The following MACROD2 variants were observed in gnomAD, a reference collection of about 807,000 sequenced individuals.
MACROD2 encodes the protein ADP-ribose glycohydrolase MACROD2.
Under a neutral mutation model 70.4 loss-of-function variants are expected in MACROD2, and 36 were observed. The ratio of observed to expected loss-of-function variants is 0.51; its 90% CI spans 0.39 to 0.68. The LOEUF (loss-of-function observed/expected upper bound fraction) is 0.68, where lower values mean the gene tolerates loss of function less well. Ranked by LOEUF, MACROD2 falls within the 30% of genes least tolerant of loss-of-function variation. MACROD2 has a pLI of 0.00. For missense variants in MACROD2, 496 were observed against 538.4 expected (o/e 0.92, Z 0.78); for synonymous variants, 172 against 178.8 (o/e 0.96, Z 0.30).
intron 4 of MACROD2, among the ~76,000 whole-genome samples, chr20:14,626,672 G>A (rs1019961475): frequency 6.6e-5 from 10 of 152,102 alleles, no homozygotes; most frequent in Non-Finnish European, 5.9e-5. Flanking sequence ...AGACCAGCAG[G>A]CAAGGAAAAC....
At chr20:15,995,199 A>G (rs900658338) in intron 15 of MACROD2, among the ~76,000 whole-genome samples, 16 of 152,146 alleles carry the variant, frequency 1.1e-4, no homozygotes, top group Non-Finnish European at 4.4e-5. Context: ...CATACATTCC[A>G]CAAATGCTTT....
At chr20:14,844,193 A>G (rs2073115446) in intron 5 of MACROD2, among the ~76,000 whole-genome samples, 1 of 151,704 alleles carries the variant, frequency 6.6e-6, no homozygotes, top group African/African-American at 2.4e-5. Flanking sequence ...TCATAGTAAG[A>G]TAATTTTTTT....
At chr20:15,158,711 C>A (rs1260967179) in intron 5 of MACROD2, among the ~76,000 whole-genome samples, 1 of 152,080 alleles carries the variant, frequency 6.6e-6, no homozygotes, top group Non-Finnish European at 1.5e-5. Context: ...CAATATTAGT[C>A]ATTTTCTTGA....
chr20:15,768,340 G>C (rs11699274), intron 8 of MACROD2, among the ~76,000 whole-genome samples: 21,102 of 152,124 alleles, frequency 0.14, 1,669 homozygotes, highest in Middle Eastern at 0.28. Context: ...ACATGTTACT[G>C]TACTGAATAC....
chr20:14,300,108 G>A (rs1745175066), intron 3 of MACROD2, among the ~76,000 whole-genome samples: 1 of 152,166 alleles, frequency 6.6e-6, no homozygotes, highest in African/African-American at 2.4e-5. Context: ...CTGATAGTTT[G>A]AGTGAGGCTT....
chr20:15,392,638 C>A (rs1050034494), intron 6 of MACROD2, among the ~76,000 whole-genome samples: 24 of 152,048 alleles, frequency 1.6e-4, no homozygotes, highest in African/African-American at 5.8e-4. Flanking sequence ...AAGTTCCTAA[C>A]TTCTGTTTTG....
intron 3 of MACROD2, among the ~76,000 whole-genome samples, chr20:14,099,692 A>G (rs117113106): frequency 0.012 from 1,897 of 152,256 alleles, 23 homozygotes; most frequent in Middle Eastern, 0.048. Context: ...TTTGTGTTGG[A>G]TCTATATCTG....
chr20:14,901,567 T>C (rs948952578), intron 5 of MACROD2, among the ~76,000 whole-genome samples: 2 of 152,188 alleles, frequency 1.3e-5, no homozygotes, highest in African/African-American at 4.8e-5. Context: ...TGAATTTTTT[T>C]CCAAGTATTG....
intron 8 of MACROD2, among the ~76,000 whole-genome samples, chr20:15,836,426 T>C (rs1366325149): frequency 6.6e-5 from 10 of 152,162 alleles, no homozygotes; most frequent in Admixed American, 6.5e-4. Flanking sequence ...AGAGTCATTA[T>C]CTATGGGATG....
chr20:15,760,425 C>T (rs1028473477), intron 8 of MACROD2, among the ~76,000 whole-genome samples: 5 of 152,194 alleles, frequency 3.3e-5, no homozygotes, highest in African/African-American at 1.2e-4. Flanking sequence ...AGACACAGCT[C>T]AGTAGGCACC....
chr20:15,537,744 G>A (rs1325964095), intron 8 of MACROD2, among the ~76,000 whole-genome samples: 1 of 152,070 alleles, frequency 6.6e-6, no homozygotes, highest in East Asian at 1.9e-4. Context: ...AAAGTGCTGG[G>A]ATTACAGGCA....
chr20:14,768,742 A>G (rs900683042), intron 5 of MACROD2, among the ~76,000 whole-genome samples: 19 of 151,814 alleles, frequency 1.3e-4, no homozygotes, highest in Non-Finnish European at 2.8e-4. Flanking sequence ...TCAGCCTCCC[A>G]TGTAGCTGGG....
At chr20:15,580,792 CTCT>C (rs913712160) in intron 8 of MACROD2, among the ~76,000 whole-genome samples, 15 of 152,118 alleles carry the variant, frequency 9.9e-5, no homozygotes, top group Admixed American at 8.5e-4. Flanking sequence ...ATGGTTATGG[CTCT>C]TCTTCTTAGG....
intron 5 of MACROD2, among the ~76,000 whole-genome samples, chr20:14,883,497 C>G (rs2073634501): frequency 1.3e-5 from 2 of 151,996 alleles, no homozygotes; most frequent in Non-Finnish European, 2.9e-5. Context: ...GCCTTTTTCC[C>G]TCTGGGCTTC....
chr20:15,083,579 C>G (rs573380241), intron 5 of MACROD2, among the ~76,000 whole-genome samples: 2 of 151,346 alleles, frequency 1.3e-5, no homozygotes, highest in East Asian at 1.9e-4. Flanking sequence ...GTTTATTTTC[C>G]CTCCACATCA....
chr20:14,790,234 T>C (rs917605518), intron 5 of MACROD2, among the ~76,000 whole-genome samples: 4 of 151,924 alleles, frequency 2.6e-5, no homozygotes. Context: ...TTCTGTGAGC[T>C]CGATAAATAT....
intron 3 of MACROD2, among the ~76,000 whole-genome samples, chr20:14,166,968 C>G (rs1459615783): frequency 6.6e-6 from 1 of 152,194 alleles, no homozygotes; most frequent in Non-Finnish European, 1.5e-5. Context: ...ACTCATTAGC[C>G]TGGAATTCAA....
rs78112795 is a variant in MACROD2 at position 15,231,676 on chromosome 20, A to G, written c.540+1615A>G. Among the ~76,000 whole-genome samples the G allele has an allele frequency of 8.3e-3, 1,261 of 152,170 alleles. 15 individuals are homozygous for G. Among genetic ancestry groups the G allele is most frequent in the African/African-American group, 0.029 (1,197 of 41,568 alleles). ...CTCTAACTGTAATTATCTTAAAACA[A>G]TCGTGTTACTCTATTTGCTACCATT... On this transcript the variant is annotated intron_variant, in intron 6 of 17. Coordinates refer to ENST00000684519, the MANE Select transcript of MACROD2 (RefSeq NM_001351661.2).
At chr20:15,146,820 A>G (rs1031794820) in intron 5 of MACROD2, among the ~76,000 whole-genome samples, 2 of 152,114 alleles carry the variant, frequency 1.3e-5, no homozygotes, top group Non-Finnish European at 1.5e-5. Flanking sequence ...TGAGATGCCA[A>G]TTTCATGAAT....
Sources: gnomAD v4.1 joint callset for allele counts (sites outside exome capture counted in the v4.1 genomes callset) on GRCh38, gnomAD v4.1.1 for gene constraint, MANE v1.5 for transcripts, NCBI Gene and HGNC (gene_info 2026-07-23, HGNC 2026-07-21) for gene names.